The following SORCS3 variants were observed in gnomAD, a reference collection of about 807,000 sequenced individuals.
SORCS3 encodes sortilin related VPS10 domain containing receptor 3.
A neutral mutation model predicts 146.3 loss-of-function variants in SORCS3; 57 were observed. The observed-to-expected ratio is 0.39, with a 90% confidence interval of 0.31 to 0.49. SORCS3 has a LOEUF of 0.49. SORCS3 is among the 20% of genes least tolerant of loss of function. The pLI is 0.92. For synonymous variants in SORCS3, 653 were observed against 618.5 expected (o/e 1.06, Z -0.83); for missense variants, 1,341 against 1,575.5 (o/e 0.85, Z 2.52).
chr10:105,227,407 G>C (rs2056740255), intron 20 of SORCS3, among the ~76,000 whole-genome samples: 1 of 152,068 alleles, frequency 6.6e-6, no homozygotes, highest in African/African-American at 2.4e-5. Context: ...GGTCTGAGAA[G>C]ATACTTGATA....
chr10:105,212,514 G>C (rs2056639818), intron 17 of SORCS3, among the ~76,000 whole-genome samples: 1 of 152,128 alleles, frequency 6.6e-6, no homozygotes, highest in African/African-American at 2.4e-5. Context: ...TAAAAGAATT[G>C]AATTAAAGCA....
chr10:104,914,514 G>A (rs1471635945), intron 2 of SORCS3, among the ~76,000 whole-genome samples: 1 of 152,172 alleles, frequency 6.6e-6, no homozygotes, highest in Non-Finnish European at 1.5e-5. Context: ...CATTGGGAAG[G>A]AGGCTGAGGT....
intron 13 of SORCS3, among the ~76,000 whole-genome samples, chr10:105,172,986 T>G (rs1291823288): frequency 2.0e-5 from 3 of 152,202 alleles, no homozygotes; most frequent in Non-Finnish European, 4.4e-5. Context: ...GTATTAAGTA[T>G]TCTGCTTTAA....
chr10:104,770,125 C>T (rs1156702502), intron 1 of SORCS3, among the ~76,000 whole-genome samples: 3 of 152,146 alleles, frequency 2.0e-5, no homozygotes, highest in East Asian at 3.9e-4. Flanking sequence ...GACTCCAATT[C>T]GGCAGGCTTG....
intron 4 of SORCS3, among the ~76,000 whole-genome samples, chr10:105,017,620 T>C (rs2055175910): frequency 6.6e-6 from 1 of 152,230 alleles, no homozygotes; most frequent in Non-Finnish European, 1.5e-5. Context: ...TGAGAAGTCC[T>C]AGCACATAAA....
At chr10:105,134,727 C>A (rs2056047114) in intron 7 of SORCS3, among the ~76,000 whole-genome samples, 1 of 152,126 alleles carries the variant, frequency 6.6e-6, no homozygotes. Context: ...AGGACAGAAA[C>A]AATCGGCCCA....
chr10:105,164,273 A>G, intron 11 of SORCS3, 30 bp from the exon 12 acceptor site: 1 of 1,574,622 alleles, frequency 6.4e-7, no homozygotes, highest in Non-Finnish European at 8.7e-7. Context: ...TAAACTCCTG[A>G]CAATCTCAAA....
At chr10:105,259,888 C>T (rs1037632617) in intron 25 of SORCS3, among the ~76,000 whole-genome samples, 1 of 152,118 alleles carries the variant, frequency 6.6e-6, no homozygotes, top group Non-Finnish European at 1.5e-5. Context: ...ATCCATATTA[C>T]TCCTCTTATT....
chr10:104,772,906 G>A (rs987814111), intron 1 of SORCS3, among the ~76,000 whole-genome samples: 2 of 152,250 alleles, frequency 1.3e-5, no homozygotes, highest in East Asian at 3.8e-4. Flanking sequence ...AGGACACAGA[G>A]ATGAACTAGA....
At position 105,246,729 on chromosome 10, in the gene SORCS3, A is replaced by G. The variant is rs2056868420; in HGVS notation, c.2993-490A>G. ...CAAGTGTTTAGTTTTATGCATTACC[A>G]CAAAGTGAATGCACTTGTATACTCA... On this transcript the variant is annotated intron_variant, in intron 21 of 26. Transcript: ENST00000369701. Among the ~76,000 whole-genome samples, 3 of 152,240 alleles carry G rather than the reference A, an allele frequency of 2.0e-5. 1 individual carries two copies. Among genetic ancestry groups the G allele is most frequent in the Admixed American group, 2.0e-4 (3 of 15,284 alleles).
At chr10:105,239,743 G>A (rs114565392) in intron 20 of SORCS3, among the ~76,000 whole-genome samples, 89 of 152,254 alleles carry the variant, frequency 5.8e-4, no homozygotes, top group African/African-American at 2.1e-3. Flanking sequence ...GATTAACAGA[G>A]GTCTGGCTTA....
intron 1 of SORCS3, among the ~76,000 whole-genome samples, chr10:104,723,449 T>C (rs1175708672): frequency 1.3e-5 from 2 of 152,216 alleles, no homozygotes; most frequent in Admixed American, 6.5e-5. Flanking sequence ...AAAGAATTTA[T>C]ATTCTTTTGA....
chr10:104,700,233 T>A (rs1352755223), intron 1 of SORCS3, among the ~76,000 whole-genome samples: 2 of 152,168 alleles, frequency 1.3e-5, no homozygotes, highest in African/African-American at 4.8e-5. Flanking sequence ...GTGAAAGAAA[T>A]GAAACTCAAA....
At chr10:105,215,931 G>A (rs2056662193) in intron 18 of SORCS3, among the ~76,000 whole-genome samples, 2 of 142,298 alleles carry the variant, frequency 1.4e-5, no homozygotes, top group South Asian at 4.6e-4. Context: ...TCTTTGTTTT[G>A]TGGTCAAGTG....
intron 1 of SORCS3, among the ~76,000 whole-genome samples, chr10:104,823,440 C>A (rs1407814986): frequency 6.6e-6 from 1 of 152,078 alleles, no homozygotes; most frequent in Non-Finnish European, 1.5e-5. Flanking sequence ...TTAGCGACAA[C>A]TTTTTCATAA....
rs540221301 is a variant in SORCS3 at position 104,910,734 on chromosome 10, G to T, written c.696-5099G>T. Among the ~76,000 whole-genome samples, 4 of 152,352 alleles carry T rather than the reference G, an allele frequency of 2.6e-5. No homozygotes were observed. In the South Asian group the frequency reaches 8.3e-4, roughly 32 times the overall value. ...TGTGCTGGAAATAATAAGAAAAAAA[G>T]AACAAGGGATAGAGACACACATGTG... On this transcript the variant is annotated intron_variant, in intron 2 of 26. Coordinates refer to ENST00000369701, the MANE Select transcript of SORCS3 (RefSeq NM_014978.3).
chr10:105,156,360 T>C (rs1405050821), intron 9 of SORCS3, among the ~76,000 whole-genome samples: 1 of 152,186 alleles, frequency 6.6e-6, no homozygotes, highest in African/African-American at 2.4e-5. Context: ...AAAGTTTGAG[T>C]AGAATTTGTG....
At chr10:105,134,380 A>G (rs1404848560) in intron 7 of SORCS3, among the ~76,000 whole-genome samples, 1 of 152,116 alleles carries the variant, frequency 6.6e-6, no homozygotes, top group Middle Eastern at 3.2e-3. Flanking sequence ...CAGCTCTCTC[A>G]GTCCCTTTCT....
rs527944178 is a variant in SORCS3, at chr10:104,813,920, CTTTTCTTTCTTTTTTT to C, written c.628-28867_628-28852del. On this transcript the variant is annotated intron_variant, in intron 1 of 26. Transcript: ENST00000369701. ...GATGAAGTATATTTAAGGGAGTTTT[CTTTTCTTTCTTTTTTT>C]TTTTTTTTTTGCCAGGGGGTGTGGT... Among the ~76,000 whole-genome samples, 156 of 139,226 alleles carry C rather than the reference CTTTTCTTTCTTTTTTT, an allele frequency of 1.1e-3. 1 individual carries two copies. The highest frequency in any genetic ancestry group is 2.8e-3 in the Admixed American group (39 of 14,106). 91.3% of individuals were successfully genotyped at this position (139,226 alleles called of 152,430 possible). A position where few individuals can be genotyped will look rare whatever the true frequency, so the allele number is the denominator to read the frequency against.
Sources: gnomAD v4.1 joint callset for allele counts (sites outside exome capture counted in the v4.1 genomes callset) on GRCh38, gnomAD v4.1.1 for gene constraint, MANE v1.5 for transcripts, NCBI Gene and HGNC (gene_info 2026-07-23, HGNC 2026-07-21) for gene names.